The following SUCLG2 variants were observed in gnomAD, a reference collection of about 807,000 sequenced individuals.
The protein encoded by SUCLG2 is succinate--CoA ligase [GDP-forming] subunit beta, mitochondrial.
In SUCLG2, 42 loss-of-function variants were observed where a neutral mutation model predicts 47.9. The observed-to-expected ratio is 0.88, with a 90% CI of 0.69 to 1.14. The LOEUF is 1.14. Ranked by LOEUF, SUCLG2 falls within the 50% of genes most tolerant of loss-of-function variation. The pLI is 0.00. For synonymous variants in SUCLG2, 195 were observed against 197.3 expected, an observed-to-expected ratio of 0.99 and a Z score of 0.10; for missense variants, 571 against 525.9, an observed-to-expected ratio of 1.09 and a Z score of -0.84.
At chr3:67,571,506 T>C (rs1489494785) in intron 2 of SUCLG2, among the ~76,000 whole-genome samples, 5 of 152,160 alleles carry the variant, frequency 3.3e-5, no homozygotes, top group Non-Finnish European at 5.9e-5. Context: ...AACACTTCTG[T>C]TTAATGTCAG....
At chr3:67,447,351 G>T (rs532617194) in intron 9 of SUCLG2, among the ~76,000 whole-genome samples, 2 of 152,134 alleles carry the variant, frequency 1.3e-5, no homozygotes, top group Non-Finnish European at 2.9e-5. Context: ...TAGAAAATAT[G>T]ATTTTATAAG....
chr3:67,589,058 G>A (rs944498143), intron 2 of SUCLG2, among the ~76,000 whole-genome samples: 2 of 152,114 alleles, frequency 1.3e-5, no homozygotes, highest in Non-Finnish European at 2.9e-5. Flanking sequence ...ATGCCTCCAT[G>A]ATCATCTTTC....
At chr3:67,396,823 C>T (rs967754850) in intron 10 of SUCLG2, among the ~76,000 whole-genome samples, 1 of 152,170 alleles carries the variant, frequency 6.6e-6, no homozygotes, top group Non-Finnish European at 1.5e-5. Flanking sequence ...GCTTATCCAC[C>T]ATGATCAAGT....
In SUCLG2 at chr3:67,636,655, T is replaced by C. The variant is rs560298783; in HGVS notation, c.84+17848A>G. 1.1e-4 allele frequency among the ~76,000 whole-genome samples: 17 copies of C among 151,212 alleles called. No individual in the cohort carries two copies. In the East Asian group the frequency reaches 2.7e-3, roughly 24 times the overall value. On this transcript the variant is annotated intron_variant, in intron 1 of 10. Transcript: ENST00000307227. Reference sequence around the variant, plus strand: ...GCGTGAGCCACTGCACCCAGCCACCTGGCTAATTTTTTTTCTATTTTTAGT... The same window carrying C: ...GCGTGAGCCACTGCACCCAGCCACCCGGCTAATTTTTTTTCTATTTTTAGT...
rs530217808 is a variant in SUCLG2, at chr3:67,522,665, T to C, written c.418-2031A>G. ...GCACTAACATTGCTTTTCTTTCTTT[T>C]TTTTTTTTTTTTTGTTGAGACAGAG... On this transcript the variant is annotated intron_variant, in intron 4 of 10. Transcript: ENST00000307227. 2.1e-4 allele frequency among the ~76,000 whole-genome samples: 31 copies of C among 149,796 alleles called. 1 individual carries two copies. Among genetic ancestry groups the C allele is most frequent in the African/African-American group, 3.2e-4 (13 of 40,906 alleles).
At chr3:67,637,743 A>G (rs1701033537) in intron 1 of SUCLG2, among the ~76,000 whole-genome samples, 2 of 152,108 alleles carry the variant, frequency 1.3e-5, no homozygotes, top group South Asian at 4.1e-4. Flanking sequence ...TTTTGGAGAG[A>G]GATGACTTGC....
chr3:67,607,973 C>T (rs1054597448), intron 2 of SUCLG2, among the ~76,000 whole-genome samples: 1 of 152,152 alleles, frequency 6.6e-6, no homozygotes, highest in Non-Finnish European at 1.5e-5. Context: ...TCAGGTATGT[C>T]TTTATTAGTA....
rs190266385 is a variant in SUCLG2 at position 67,534,352 on chromosome 3, G to A, written c.227-5166C>T. 3.2e-3 allele frequency among the ~76,000 whole-genome samples: 490 copies of A among 151,902 alleles called. 2 individuals carry two copies. The highest frequency in any genetic ancestry group is 0.011 in the African/African-American group (462 of 41,442). On this transcript the variant is annotated intron_variant, in intron 2 of 10. Coordinates refer to ENST00000307227, the MANE Select transcript of SUCLG2 (RefSeq NM_003848.4). ...CAAAAAATGTATTTATGCTTTCGAC[G>A]GAATAATTTTAATTTTAGTCCCTAT... is the stretch of plus-strand genomic sequence containing the variant.
intron 1 of SUCLG2, among the ~76,000 whole-genome samples, chr3:67,648,402 A>C (rs1236395644): frequency 6.6e-6 from 1 of 152,234 alleles, no homozygotes; most frequent in Non-Finnish European, 1.5e-5. Context: ...AGTGTCACTC[A>C]AGGGCAAAAA....
chr3:67,638,646 T>C (rs80111538), intron 1 of SUCLG2, among the ~76,000 whole-genome samples: 2,122 of 152,284 alleles, frequency 0.014, 58 homozygotes, highest in African/African-American at 0.047. Context: ...ATCAATTCAA[T>C]GGAAAGCCTT....
chr3:67,505,569 A>G (rs1473078887), intron 7 of SUCLG2, among the ~76,000 whole-genome samples: 1 of 152,192 alleles, frequency 6.6e-6, no homozygotes, highest in Admixed American at 6.5e-5. Flanking sequence ...TCTTCACTCA[A>G]CACGGCATCA....
chr3:67,549,576 C>A (rs993462649), intron 2 of SUCLG2, among the ~76,000 whole-genome samples: 1 of 152,158 alleles, frequency 6.6e-6, no homozygotes, highest in Non-Finnish European at 1.5e-5. Context: ...TCTTTACCTC[C>A]TTCTTTATAG....
intron 9 of SUCLG2, 145 bp downstream of exon 9, chr3:67,495,653 A>C: frequency 1.6e-6 from 1 of 639,308 alleles, no homozygotes; most frequent in Non-Finnish European, 2.2e-6. Context: ...CTCCGTCTCA[A>C]AAAAAAAAAA....
downstream of SUCLG2, among the ~76,000 whole-genome samples, chr3:67,370,766 T>C (rs1701942608): frequency 3.9e-5 from 6 of 152,358 alleles, no homozygotes; most frequent in South Asian, 1.2e-3. Flanking sequence ...CATTGTACTG[T>C]ACTAATCTAT....
At chr3:67,601,433 A>G (rs1708415223) in intron 2 of SUCLG2, among the ~76,000 whole-genome samples, 1 of 152,164 alleles carries the variant, frequency 6.6e-6, no homozygotes, top group African/African-American at 2.4e-5. Flanking sequence ...GATTTCTTTA[A>G]AAGGGGCAAT....
At chr3:67,390,681 A>G (rs1417343129) in intron 10 of SUCLG2, among the ~76,000 whole-genome samples, 2 of 151,780 alleles carry the variant, frequency 1.3e-5, no homozygotes, top group Admixed American at 6.6e-5. Context: ...TGAAACGTAT[A>G]AAAACCTTGG....
At chr3:67,452,705 A>C (rs1394438932) in intron 9 of SUCLG2, among the ~76,000 whole-genome samples, 4 of 152,164 alleles carry the variant, frequency 2.6e-5, no homozygotes, top group Admixed American at 2.0e-4. Flanking sequence ...CAAGTAGATT[A>C]CTAAATCCAA....
chr3:67,507,189 T>A (rs1194732028), intron 7 of SUCLG2, among the ~76,000 whole-genome samples: 2 of 152,172 alleles, frequency 1.3e-5, no homozygotes, highest in African/African-American at 4.8e-5. Flanking sequence ...CACAATTTGA[T>A]AGCCATAGCA....
At chr3:67,493,189 T>C (rs973602649) in intron 9 of SUCLG2, among the ~76,000 whole-genome samples, 2 of 152,156 alleles carry the variant, frequency 1.3e-5, no homozygotes, top group Admixed American at 6.5e-5. Flanking sequence ...TCACATCAAC[T>C]CATCTATACT....
Sources: allele counts gnomAD v4.1 joint callset (sites outside exome capture counted in the v4.1 genomes callset), GRCh38; gene constraint gnomAD v4.1.1; transcripts MANE v1.5; gene names NCBI Gene and HGNC (gene_info 2026-07-23, HGNC 2026-07-21).